GPR139: variants seen among roughly 807,000 people sequenced by gnomAD.
The protein encoded by GPR139 is G protein-coupled receptor 139, also known as probable G protein-coupled receptor 139.
In GPR139, 12 loss-of-function variants were observed where a neutral mutation model predicts 25.8. The ratio of observed to expected loss-of-function variants is 0.47; its 90% CI spans 0.30 to 0.75. GPR139 has a LOEUF of 0.75. GPR139 is among the 30% of genes least tolerant of loss of function. The probability of loss-of-function intolerance (pLI) is 0.07; values close to 1 mark genes in which losing one functional copy is unlikely to be tolerated. For missense variants in GPR139, 380 were observed against 450.2 expected (o/e 0.84, Z 1.41); for synonymous variants, 184 against 179.9 (o/e 1.02, Z -0.18).
chr16:20,051,186 A>G (rs1886714), intron 1 of GPR139, among the ~76,000 whole-genome samples: 50,139 of 152,126 alleles, frequency 0.33, 8,947 homozygotes, highest in South Asian at 0.56. Flanking sequence ...AGGATTCTGT[A>G]TACCTCAGTG....
intron 1 of GPR139, among the ~76,000 whole-genome samples, chr16:20,043,946 A>G (rs1214518779): frequency 6.8e-6 from 1 of 146,318 alleles, no homozygotes; most frequent in Non-Finnish European, 1.5e-5. Flanking sequence ...AGCCTTCTAG[A>G]TCTGCACTTT....
intron 1 of GPR139, among the ~76,000 whole-genome samples, chr16:20,056,864 C>A (rs2057390007): frequency 6.6e-6 from 1 of 152,116 alleles, no homozygotes; most frequent in Non-Finnish European, 1.5e-5. Flanking sequence ...TCACAATATT[C>A]TTTTTAAGGA....
chr16:20,064,099 C>T (rs914300466), intron 1 of GPR139, among the ~76,000 whole-genome samples: 2 of 152,056 alleles, frequency 1.3e-5, no homozygotes, highest in Non-Finnish European at 2.9e-5. Context: ...ATTAAGCAAC[C>T]CTTAATCTAA....
In GPR139 at chr16:20,031,153, G is replaced by C. The variant is rs2057286210; in HGVS notation, c.*582C>G. Among the ~76,000 whole-genome samples the C allele has an allele frequency of 6.6e-6, 1 of 152,110 alleles. No homozygotes were observed. The stretch of plus-strand genomic sequence containing the variant: ...GAAGCTCTGGCCACAGTTTGGATGG[G>C]ATCCAATACTCTTCTATTCCCACAG... On this transcript the variant is annotated 3_prime_UTR_variant, in exon 2 of 2. Transcript: ENST00000570682.
At chr16:20,041,753 A>G (rs1164473850) in intron 1 of GPR139, among the ~76,000 whole-genome samples, 1 of 152,134 alleles carries the variant, frequency 6.6e-6, no homozygotes, top group Admixed American at 6.5e-5. Flanking sequence ...GCCAGTGGCC[A>G]TCCTTGTTTT....
Position 20,066,412 on chromosome 16 carries a change from C to T in GPR139, c.127+7078G>A, listed in dbSNP as rs576874520. ...TATTTCTAGGAGTTTCACTGAATCA[C>T]AGGCAACTCTTTTAGGGGGACAAAT... On this transcript the variant is annotated intron_variant, in intron 1 of 1. Coordinates refer to ENST00000570682, the MANE Select transcript of GPR139 (RefSeq NM_001002911.4). 3.9e-5 allele frequency among the ~76,000 whole-genome samples: 6 copies of T among 152,356 alleles called. No individual in the cohort carries two copies. In the South Asian group the frequency reaches 1.2e-3, roughly 32 times the overall value.
At chr16:20,058,931 G>A (rs988604988) in intron 1 of GPR139, among the ~76,000 whole-genome samples, 1 of 152,154 alleles carries the variant, frequency 6.6e-6, no homozygotes, top group Non-Finnish European at 1.5e-5. Flanking sequence ...CACAGCCCTC[G>A]AGAGCCCGGC....
chr16:20,031,667 C>G lies in GPR139; in HGVS notation c.*68G>C, dbSNP rs931176788. 2.4e-6 allele frequency: 3 copies of G among 1,246,572 alleles called. No homozygotes were observed. The highest frequency in any genetic ancestry group is 3.5e-6 in the Non-Finnish European group (3 of 860,384). The allele number at this position is 1,246,572 out of a possible 1,614,324, so 77.2% of individuals were successfully genotyped here. A position where few individuals can be genotyped will look rare whatever the true frequency, so the allele number is the denominator to read the frequency against. On this transcript the variant is annotated 3_prime_UTR_variant, in exon 2 of 2. Coordinates refer to ENST00000570682, the MANE Select transcript of GPR139 (RefSeq NM_001002911.4). The stretch of plus-strand genomic sequence containing the variant: ...GCACTCTTAAGGAGAGCTGCTCAGC[C>G]ATAGGATGGGACACCTTCCCATCTG...
rs1442892777 is a variant in GPR139 at position 20,030,061 on chromosome 16, A to T, written c.*1674T>A. Reference sequence around the variant, plus strand: ...ATTGCGATCCTTTAAAAGGGGTAAGAATTAGGATCATCAGGACTAATATGA... The same window carrying T: ...ATTGCGATCCTTTAAAAGGGGTAAGTATTAGGATCATCAGGACTAATATGA... On this transcript the variant is annotated 3_prime_UTR_variant, in exon 2 of 2. Coordinates refer to ENST00000570682, the MANE Select transcript of GPR139 (RefSeq NM_001002911.4). Among the ~76,000 whole-genome samples, 2 of 152,248 alleles carry T rather than the reference A, an allele frequency of 1.3e-5. No individual in the cohort carries two copies. Among genetic ancestry groups the T allele is most frequent in the African/African-American group, 4.8e-5 (2 of 41,464 alleles).
rs1567236075 is a variant in GPR139, at chr16:20,041,260, A to AG, written c.128-8592_128-8591insC. On this transcript the variant is annotated intron_variant, in intron 1 of 1. Coordinates refer to ENST00000570682, the MANE Select transcript of GPR139 (RefSeq NM_001002911.4). ...GGAGAGGAGAGGAGAGGGAAGGAGA[A>AG]AAGAAAAGCATCTCTCTCTGACAAA... Among the ~76,000 whole-genome samples, 6 of 4,546 alleles carry AG rather than the reference A, an allele frequency of 1.3e-3. 3 individuals carry two copies. Among genetic ancestry groups the AG allele is most frequent in the Admixed American group, 8.8e-3 (2 of 226 alleles). 3.0% of individuals were successfully genotyped at this position (4,546 alleles called of 152,430 possible). A position where few individuals can be genotyped will look rare whatever the true frequency, so the allele number is the denominator to read the frequency against.
At position 20,030,644 on chromosome 16, in the gene GPR139, T is replaced by A. The variant is rs2057284580; in HGVS notation, c.*1091A>T. Among the ~76,000 whole-genome samples the A allele has an allele frequency of 6.6e-6, 1 of 152,246 alleles. No individual in the cohort carries two copies. Among genetic ancestry groups the A allele is most frequent in the Admixed American group, 6.5e-5 (1 of 15,288 alleles). ...TCAAAGGGCAGACGAGGCGTCAGCA[T>A]GGGCACCTTTTGTGTCTGCGTTTGT... On this transcript the variant is annotated 3_prime_UTR_variant, in exon 2 of 2. Coordinates refer to ENST00000570682, the MANE Select transcript of GPR139 (RefSeq NM_001002911.4).
In GPR139 at chr16:20,028,729, G is replaced by C. The variant is rs1425065076; in HGVS notation, c.*3006C>G. On this transcript the variant is annotated 3_prime_UTR_variant, in exon 2 of 2. Coordinates refer to ENST00000570682, the MANE Select transcript of GPR139 (RefSeq NM_001002911.4). ...CATGAGACATTTCAGCCGTCAAGTT[G>C]TTCAATAAAAAGACACAGCATGGTG... Among the ~76,000 whole-genome samples the C allele has an allele frequency of 6.6e-6, 1 of 152,086 alleles. No homozygotes were observed. The highest frequency in any genetic ancestry group is 1.5e-5 in the Non-Finnish European group (1 of 68,032).
chr16:20,067,142 A>G lies in GPR139; in HGVS notation c.127+6348T>C, dbSNP rs144145011. ...TTTTACACTCAATCTCACAAAGCAA[A>G]ACTAACATGATCGTTACAGAAACTA... On this transcript the variant is annotated intron_variant, in intron 1 of 1. Coordinates refer to ENST00000570682, the MANE Select transcript of GPR139 (RefSeq NM_001002911.4). Among the ~76,000 whole-genome samples, 184 of 152,342 alleles carry G rather than the reference A, an allele frequency of 1.2e-3. 1 individual carries two copies. The highest frequency in any genetic ancestry group is 4.1e-3 in the African/African-American group (172 of 41,574).
intron 1 of GPR139, among the ~76,000 whole-genome samples, chr16:20,041,110 AGAAAG>A (rs139610639): frequency 0.012 from 965 of 81,500 alleles, 220 homozygotes; most frequent in Middle Eastern, 0.038. Flanking sequence ...ACTCTGACCC[AGAAAG>A]GAAAGGAAAG....
chr16:20,070,745 A>G (rs951885001), intron 1 of GPR139, among the ~76,000 whole-genome samples: 2 of 152,224 alleles, frequency 1.3e-5, no homozygotes, highest in Admixed American at 6.5e-5. Context: ...GATTCAATTA[A>G]AATCTCAGTT....
rs1567238252 is a variant in GPR139 at position 20,052,755 on chromosome 16, C to T, written c.128-20086G>A. ...GAGCTTGGGAGATCGCGCCACTGCA[C>T]TCAAGCCTGGGTGACAGAGCAAGAC... On this transcript the variant is annotated intron_variant, in intron 1 of 1. Coordinates refer to ENST00000570682, the MANE Select transcript of GPR139 (RefSeq NM_001002911.4). Among the ~76,000 whole-genome samples, 5 of 146,914 alleles carry T rather than the reference C, an allele frequency of 3.4e-5. No homozygotes were observed. The South Asian group carries it at 1.1e-3, about 32-fold the overall frequency.
At chr16:20,050,247 T>A (rs182502851) in intron 1 of GPR139, among the ~76,000 whole-genome samples, 1 of 152,080 alleles carries the variant, frequency 6.6e-6, no homozygotes, top group Admixed American at 6.5e-5. Context: ...TAGGAGCCAG[T>A]CGAGTGACTG....
chr16:20,048,264 T>A (rs145112917), intron 1 of GPR139, among the ~76,000 whole-genome samples: 1 of 152,050 alleles, frequency 6.6e-6, no homozygotes, highest in Admixed American at 6.5e-5. Flanking sequence ...GTGGGAGAGA[T>A]CTTTTTGGGA....
chr16:20,057,950 G>A (rs527926409), intron 1 of GPR139, among the ~76,000 whole-genome samples: 6 of 152,220 alleles, frequency 3.9e-5, no homozygotes, highest in African/African-American at 1.4e-4. Flanking sequence ...GTCTTTCCCT[G>A]CATCATTATC....
Sources: gnomAD v4.1 joint callset for allele counts (sites outside exome capture counted in the v4.1 genomes callset) on GRCh38, gnomAD v4.1.1 for gene constraint, MANE v1.5 for transcripts, NCBI Gene and HGNC (gene_info 2026-07-23, HGNC 2026-07-21) for gene names.